BRAF: variants seen among roughly 807,000 people sequenced by gnomAD.
BRAF encodes B-Raf proto-oncogene, serine/threonine kinase.
A neutral mutation model predicts 104.6 loss-of-function variants in BRAF; 16 were observed. The observed-to-expected ratio is 0.15, with a 90% CI of 0.10 to 0.23. The LOEUF is 0.23. Ranked by LOEUF, BRAF falls within the 10% of genes least tolerant of loss-of-function variation. BRAF has a pLI of 1.00. For synonymous variants in BRAF, 310 were observed against 341.6 expected (o/e 0.91, Z 1.02); for missense variants, 541 against 937.3 (o/e 0.58, Z 5.52).
intron 10 of BRAF, chr7:140,783,587 A>T (rs541565303): frequency 4.4e-6 from 1 of 228,734 alleles, no homozygotes; most frequent in East Asian, 6.3e-5. Context: ...AATCAATATT[A>T]AAAAAAAGGA....
In BRAF at chr7:140,781,664, A is replaced by T. The variant is rs2129023871; in HGVS notation, c.1464T>A (p.Asp488Glu). 1.2e-6 allele frequency: 2 copies of T among 1,614,048 alleles called. No individual in the cohort carries two copies. Among genetic ancestry groups the T allele is most frequent in the Non-Finnish European group, 1.7e-6 (2 of 1,180,000 alleles). Reference protein sequence around the residue: ...MKTLGRRDSSDDWEIPDGQIT... With the variant: ...MKTLGRRDSSEDWEIPDGQIT... The stretch of plus-strand genomic sequence containing the variant: ...TCTGCCCATCAGGAATCTCCCAATC[A>T]TCACTCGAGTCCCGTCTACCAAGTG... Residue 488 changes from aspartate to glutamate, a missense_variant, in exon 12 of 20, where the codon GAT becomes GAA. Transcript: ENST00000644969.
At chr7:140,896,565 C>T (rs1814924810) in intron 1 of BRAF, among the ~76,000 whole-genome samples, 1 of 151,858 alleles carries the variant, frequency 6.6e-6, no homozygotes, top group South Asian at 2.1e-4. Flanking sequence ...CCTGTCTCTA[C>T]TAAAAATAGA....
chr7:140,739,286 T>C (rs577156496), intron 18 of BRAF, among the ~76,000 whole-genome samples: 16 of 152,300 alleles, frequency 1.1e-4, no homozygotes, highest in Non-Finnish European at 1.5e-4. Flanking sequence ...ATGTGAGATA[T>C]TGCAATGTGA....
At chr7:140,756,205 G>A (rs568706049) in intron 14 of BRAF, among the ~76,000 whole-genome samples, 37 of 152,254 alleles carry the variant, frequency 2.4e-4, no homozygotes, top group African/African-American at 8.9e-4. Context: ...ATTTGTTATA[G>A]GCCGAGTTGC....
rs536868010 is a variant in BRAF at position 140,825,001 on chromosome 7, C to T, written c.504+9608G>A. On this transcript the variant is annotated intron_variant, in intron 3 of 19. Coordinates refer to ENST00000644969, the MANE Select transcript of BRAF (RefSeq NM_001374258.1). ...TTTTTTTTTTTTTGAGATGGAGTCT[C>T]ACTCTGTTGCCCAGGCTGGAGTGCA... 1.1e-4 allele frequency among the ~76,000 whole-genome samples: 16 copies of T among 146,710 alleles called. No homozygotes were observed. In the South Asian group the frequency reaches 1.5e-3, roughly 14 times the overall value.
intron 1 of BRAF, among the ~76,000 whole-genome samples, chr7:140,897,122 T>C (rs1263695347): frequency 6.6e-6 from 1 of 151,818 alleles, no homozygotes. Flanking sequence ...ATTCTTCTAA[T>C]GGTCACGTGG....
Position 140,792,569 on chromosome 7 carries a change from T to C in BRAF, c.1140+1739A>G, listed in dbSNP as rs1047764821. Among the ~76,000 whole-genome samples the C allele has an allele frequency of 1.9e-4, 29 of 152,336 alleles. No homozygotes were observed. In the Middle Eastern group the frequency reaches 0.01, roughly 54 times the overall value. On this transcript the variant is annotated intron_variant, in intron 8 of 19. Coordinates refer to ENST00000644969, the MANE Select transcript of BRAF (RefSeq NM_001374258.1). ...CCCTTATGTAGTGTACTCCTACTTA[T>C]TCACCATAATCTGGCTTAAAGGTTG...
chr7:140,725,500 T>C lies in BRAF; in HGVS notation c.*994A>G, dbSNP rs1795549505. 1 of 969,598 alleles carries C rather than the reference T, an allele frequency of 1.0e-6. No individual in the cohort carries two copies. Among genetic ancestry groups the C allele is most frequent in the East Asian group, 5.9e-5 (1 of 17,030 alleles). 60.1% of individuals were successfully genotyped at this position (969,598 alleles called of 1,614,324 possible). ...AATAGAAAAGAAGAAACTCAGAAAT[T>C]AAAACCTGTACCTTATATTTAAATT... On this transcript the variant is annotated 3_prime_UTR_variant, in exon 20 of 20. Coordinates refer to ENST00000644969, the MANE Select transcript of BRAF (RefSeq NM_001374258.1).
chr7:140,818,105 C>G (rs1805072334), intron 3 of BRAF, among the ~76,000 whole-genome samples: 1 of 151,582 alleles, frequency 6.6e-6, no homozygotes, highest in Admixed American at 6.6e-5. Flanking sequence ...ATTGAAGGTA[C>G]CTCACATTTA....
chr7:140,849,647 C>T (rs577366967), intron 2 of BRAF, among the ~76,000 whole-genome samples: 70 of 151,796 alleles, frequency 4.6e-4, no homozygotes, highest in African/African-American at 1.7e-3. Context: ...CCCATCTCTA[C>T]TAAAAATAGA....
At chr7:140,808,212 G>A (rs1344699370) in intron 4 of BRAF, 150 bp from the exon 5 acceptor site, 3 of 694,780 alleles carry the variant, frequency 4.3e-6, no homozygotes, top group Admixed American at 2.1e-5. Context: ...AAATTTAAAT[G>A]GCAATAAATT....
At chr7:140,885,372 T>C (rs1003973838) in intron 1 of BRAF, among the ~76,000 whole-genome samples, 4 of 152,092 alleles carry the variant, frequency 2.6e-5, no homozygotes, top group African/African-American at 4.8e-5. Context: ...ACAAAAGATA[T>C]CTGGATTCTC....
intron 2 of BRAF, among the ~76,000 whole-genome samples, chr7:140,840,752 C>T (rs1377381938): frequency 1.3e-5 from 2 of 151,346 alleles, no homozygotes; most frequent in African/African-American, 4.9e-5. Context: ...GATGGTGCCC[C>T]TGCATTCCAG....
intron 2 of BRAF, among the ~76,000 whole-genome samples, chr7:140,842,491 G>A (rs1457290280): frequency 6.6e-6 from 1 of 152,142 alleles, no homozygotes; most frequent in African/African-American, 2.4e-5. Flanking sequence ...GGACTCAGCT[G>A]TAGGGTGATT....
chr7:140,740,931 C>T (rs1295282944), intron 17 of BRAF: 1 of 152,166 alleles, frequency 6.6e-6, no homozygotes. Context: ...ACAATGCCCC[C>T]TACTGAAGCT....
At chr7:140,872,429 T>C (rs1348840528) in intron 1 of BRAF, among the ~76,000 whole-genome samples, 3 of 152,096 alleles carry the variant, frequency 2.0e-5, no homozygotes, top group East Asian at 3.8e-4. Flanking sequence ...GATTAAATTA[T>C]CCTACATACA....
At position 140,783,004 on chromosome 7, in the gene BRAF, A is replaced by G. The variant is rs1057524397; in HGVS notation, c.1434+17T>C. 16 of 1,612,472 alleles carry G rather than the reference A, an allele frequency of 9.9e-6. No individual in the cohort carries two copies. The African/African-American group carries it at 1.2e-4, about 12-fold the overall frequency. On this transcript the variant is annotated intron_variant, in intron 11 of 19. Transcript: ENST00000644969. ...GAAGAAAGAATTCAGAGAAAAAAAG[A>G]TATCATATACTCTTACCATTCGATT...
chr7:140,763,261 A>T lies in BRAF; in HGVS notation c.1815-9028T>A, dbSNP rs1798945946. ...GCTGACCCCCCAACCTCCCTCCCGG[A>T]CGGGGTGGCTGGCCGGGCGGGGGGC... On this transcript the variant is annotated intron_variant, in intron 14 of 19. Transcript: ENST00000644969. Among the ~76,000 whole-genome samples, 6 of 150,614 alleles carry T rather than the reference A, an allele frequency of 4.0e-5. No individual in the cohort carries two copies. The South Asian group carries it at 1.3e-3, about 32-fold the overall frequency.
In BRAF at chr7:140,756,485, T is replaced by C. The variant is rs772586655; in HGVS notation, c.1815-2252A>G. 2.7e-4 allele frequency among the ~76,000 whole-genome samples: 41 copies of C among 151,778 alleles called. No homozygotes were observed. The Middle Eastern group carries it at 0.01, about 38-fold the overall frequency. The stretch of plus-strand genomic sequence containing the variant: ...AATCACTACCCTAAATAATTCTATA[T>C]AGGGGGACACTAAAACGTAATTTCC... On this transcript the variant is annotated intron_variant, in intron 14 of 19. Coordinates refer to ENST00000644969, the MANE Select transcript of BRAF (RefSeq NM_001374258.1).
Sources: allele counts gnomAD v4.1 joint callset (sites outside exome capture counted in the v4.1 genomes callset), GRCh38; gene constraint gnomAD v4.1.1; transcripts MANE v1.5; gene names NCBI Gene and HGNC (gene_info 2026-07-23, HGNC 2026-07-21).